DOCK8: variants seen among roughly 807,000 people sequenced by gnomAD.
DOCK8 encodes dedicator of cytokinesis 8.
A neutral mutation model predicts 245.6 loss-of-function variants in DOCK8; 141 were observed. The observed-to-expected ratio is 0.57, with a 90% CI of 0.50 to 0.66. The LOEUF is 0.66. Among genes scored for constraint, DOCK8 ranks in the 30% least tolerant of loss-of-function variants. The pLI is 0.00. For synonymous variants in DOCK8, 1,168 were observed against 970.2 expected, an observed-to-expected ratio of 1.20 and a Z score of -3.79; for missense variants, 2,965 against 2,603.4, an observed-to-expected ratio of 1.14 and a Z score of -3.02.
intron 1 of DOCK8, among the ~76,000 whole-genome samples, chr9:243,716 A>G (rs1250986800): frequency 1.3e-5 from 2 of 151,974 alleles, no homozygotes; most frequent in African/African-American, 2.4e-5. Context: ...GTGTTATTCC[A>G]TGTATCTCAC....
Position 379,770 on chromosome 9 carries a change from G to C in DOCK8, c.2441-1G>C. The C allele has an allele frequency of 6.2e-7, 1 of 1,614,134 alleles. No individual in the cohort carries two copies. Among genetic ancestry groups the C allele is most frequent in the South Asian group, 1.1e-5 (1 of 91,084 alleles). On this transcript the variant is annotated splice_acceptor_variant, in intron 20 of 47. Transcript: ENST00000432829. LOFTEE classifies it high-confidence loss of function. ...TACCCATTTTTCTCTTGGTTCCTCA[G>C]CCAACTTCTCCCAGTTTGCCTTCGA...
chr9:343,462 G>A (rs905375981), intron 14 of DOCK8, among the ~76,000 whole-genome samples: 40 of 150,498 alleles, frequency 2.7e-4, no homozygotes, highest in African/African-American at 8.9e-4. Context: ...TCCAAATCAA[G>A]CAACAGAGTG....
In DOCK8 at chr9:369,585, A is replaced by C. The variant is rs147220473; in HGVS notation, c.1798-645A>C. ...GAGTAGGTCTGTATGTTTGAGAGAG[A>C]AGAACCTGGAACTGGGGATTTCTCA... is the stretch of plus-strand genomic sequence containing the variant. On this transcript the variant is annotated intron_variant, in intron 15 of 47. Transcript: ENST00000432829. The C allele has an allele frequency of 7.1e-3, 1,093 of 154,312 alleles. 7 individuals carry two copies. Among genetic ancestry groups the C allele is most frequent in the South Asian group, 0.026 (129 of 4,940 alleles). The allele number at this position is 154,312 out of a possible 1,614,324, so 9.6% of individuals were successfully genotyped here. A position where few individuals can be genotyped will look rare whatever the true frequency, so the allele number is the denominator to read the frequency against.
intron 28 of DOCK8, among the ~76,000 whole-genome samples, chr9:409,661 C>T (rs2055620670): frequency 6.6e-6 from 1 of 151,864 alleles, no homozygotes; most frequent in African/African-American, 2.4e-5. Flanking sequence ...ATATATGCGC[C>T]ATGTTGGTGT....
chr9:280,289 G>A (rs756149399), intron 2 of DOCK8, among the ~76,000 whole-genome samples: 1 of 152,206 alleles, frequency 6.6e-6, no homozygotes, highest in African/African-American at 2.4e-5. Context: ...CACTAGAGAA[G>A]TATTGAAAAT....
chr9:216,582 G>C (rs1587597970), intron 1 of DOCK8, among the ~76,000 whole-genome samples: 1 of 149,148 alleles, frequency 6.7e-6, no homozygotes, highest in Admixed American at 6.7e-5. Context: ...AAGTATATCA[G>C]GGATCTCCCT....
chr9:371,356 G>A, intron 16 of DOCK8, 72 bp from the exon 17 acceptor site: 1 of 1,577,284 alleles, frequency 6.3e-7, no homozygotes, highest in South Asian at 1.1e-5. Context: ...CAAAGGGGCT[G>A]TGGCGTTTTA....
At chr9:426,625 G>T (rs2056511395) in intron 33 of DOCK8, among the ~76,000 whole-genome samples, 1 of 152,154 alleles carries the variant, frequency 6.6e-6, no homozygotes, top group Non-Finnish European at 1.5e-5. Flanking sequence ...TACCCATAGT[G>T]TTATTTTTAT....
intron 1 of DOCK8, among the ~76,000 whole-genome samples, chr9:217,198 T>C (rs1050850304): frequency 7.2e-5 from 11 of 152,236 alleles, no homozygotes; most frequent in African/African-American, 2.7e-4. Flanking sequence ...TGGCTCAGAA[T>C]AAATGGTGAA....
At chr9:267,268 T>C (rs2048057358) in intron 1 of DOCK8, among the ~76,000 whole-genome samples, 1 of 152,220 alleles carries the variant, frequency 6.6e-6, no homozygotes. Context: ...GCAGCAGGCA[T>C]GAACACAGTT....
intron 33 of DOCK8, among the ~76,000 whole-genome samples, chr9:425,723 C>G (rs766674924): frequency 2.7e-5 from 4 of 147,906 alleles, no homozygotes; most frequent in Non-Finnish European, 5.9e-5. Flanking sequence ...TGCCACTGCA[C>G]TCTAGCCTGG....
At chr9:335,239 C>G (rs1369063812) in intron 11 of DOCK8, among the ~76,000 whole-genome samples, 1 of 151,466 alleles carries the variant, frequency 6.6e-6, no homozygotes, top group African/African-American at 2.4e-5. Flanking sequence ...CACCCGTGAT[C>G]TGAATCATTC....
At position 396,837 on chromosome 9, in the gene DOCK8, G is replaced by A. The variant is rs145844320; in HGVS notation, c.3023G>A (p.Arg1008Gln). 9.3e-4 allele frequency: 1,504 copies of A among 1,614,076 alleles called. 3 individuals carry two copies. Among genetic ancestry groups the A allele is most frequent in the Non-Finnish European group, 1.1e-3 (1,345 of 1,180,020 alleles). ...AACATGGACAAACGGGACAGTTTTC[G>A]GAGGACTCGTTTTTCTGACCGTTTC... ...VHNMDKRDSF[R>Q]RTRFSDRFMD... Residue 1008 changes from arginine to glutamine, a missense_variant, in exon 25 of 48, where the codon CGG becomes CAG. Coordinates refer to ENST00000432829, the MANE Select transcript of DOCK8 (RefSeq NM_203447.4).
At chr9:373,246 C>T (rs1407086302) in intron 18 of DOCK8, among the ~76,000 whole-genome samples, 4 of 152,110 alleles carry the variant, frequency 2.6e-5, no homozygotes, top group African/African-American at 9.7e-5. Context: ...CACTGCTAGC[C>T]CACTTCTCAG....
At chr9:412,473 A>C (rs141025039) in intron 28 of DOCK8, among the ~76,000 whole-genome samples, 1 of 152,134 alleles carries the variant, frequency 6.6e-6, no homozygotes, top group East Asian at 1.9e-4. Context: ...AAGTAAAACT[A>C]TCTCTATTCA....
chr9:347,820 A>C lies in DOCK8; in HGVS notation c.1679+7499A>C, dbSNP rs149527744. On this transcript the variant is annotated intron_variant, in intron 14 of 47. Transcript: ENST00000432829. ...CCTATTTGTAAGAATGAAAAAATTC[A>C]GGAGGGAACCAATTGCCTAAGGTTA... Among the ~76,000 whole-genome samples the C allele has an allele frequency of 3.0e-4, 46 of 152,308 alleles. No homozygotes were observed. The East Asian group carries it at 7.1e-3, about 24-fold the overall frequency.
chr9:420,816 C>G, intron 31 of DOCK8, 133 bp from the exon 32 acceptor site: 1 of 1,356,396 alleles, frequency 7.4e-7, no homozygotes, highest in African/African-American at 1.4e-5. Flanking sequence ...CCATAGGATG[C>G]TCCAGAGCAG....
chr9:249,774 T>A (rs1181668988), intron 1 of DOCK8, among the ~76,000 whole-genome samples: 1 of 142,204 alleles, frequency 7.0e-6, no homozygotes, highest in Non-Finnish European at 1.5e-5. Context: ...CCCACCACCA[T>A]GCCTGGCTAA....
upstream of DOCK8, chr9:214,631 G>A: frequency 6.2e-7 from 1 of 1,612,828 alleles, no homozygotes; most frequent in Non-Finnish European, 8.5e-7. Flanking sequence ...CGCAGTGGTC[G>A]CCTGTCGTCC....
Sources: allele counts gnomAD v4.1 joint callset (sites outside exome capture counted in the v4.1 genomes callset), GRCh38; gene constraint gnomAD v4.1.1; transcripts MANE v1.5; gene names NCBI Gene and HGNC (gene_info 2026-07-23, HGNC 2026-07-21).